Variants in TMEM132B observed in about 807,000 individuals in gnomAD.
The protein encoded by TMEM132B is transmembrane protein 132B.
TMEM132B carries 18 observed loss-of-function variants against 90.8 expected under a neutral mutation model. The observed-to-expected ratio is 0.20, with a 90% CI of 0.14 to 0.29. TMEM132B has a LOEUF of 0.29. TMEM132B is among the 10% of genes least tolerant of loss of function. The probability of loss-of-function intolerance (pLI) is 1.00; values close to 1 mark genes in which losing one functional copy is unlikely to be tolerated. For synonymous variants in TMEM132B, 504 were observed against 523.3 expected (o/e 0.96, Z 0.50); for missense variants, 1,096 against 1,326.8 (o/e 0.83, Z 2.70).
At chr12:125,267,933 T>C (rs1230322593) in intron 1 of TMEM132B, among the ~76,000 whole-genome samples, 2 of 152,142 alleles carry the variant, frequency 1.3e-5, no homozygotes, top group African/African-American at 4.8e-5. Context: ...CTTTGGTTGG[T>C]GCTCTCTACT....
chr12:125,513,348 G>A (rs76653006), intron 3 of TMEM132B, among the ~76,000 whole-genome samples: 24 of 152,242 alleles, frequency 1.6e-4, no homozygotes, highest in Middle Eastern at 3.4e-3. Flanking sequence ...GCCTGTGTGC[G>A]TGTGTGCGTG....
At chr12:125,270,058 G>T (rs1016281208) in intron 1 of TMEM132B, among the ~76,000 whole-genome samples, 1 of 151,438 alleles carries the variant, frequency 6.6e-6, no homozygotes, top group Non-Finnish European at 1.5e-5. Context: ...CACTTCCCAG[G>T]TTCCTTTGCA....
chr12:125,197,368 A>C (rs1019266570), intron 1 of TMEM132B, among the ~76,000 whole-genome samples: 1 of 152,184 alleles, frequency 6.6e-6, no homozygotes, highest in Non-Finnish European at 1.5e-5. Flanking sequence ...TTCCTCCATC[A>C]ACTTCCAGGA....
chr12:125,575,059 T>TATATATATATATATATATATATATAC (rs1884906656), intron 4 of TMEM132B, among the ~76,000 whole-genome samples: 2 of 64,184 alleles, frequency 3.1e-5, no homozygotes, highest in East Asian at 9.8e-4. Context: ...TTAGCTGTCA[T>TATATATATATATATATATATATATAC]ATATATATAT....
intron 2 of TMEM132B, among the ~76,000 whole-genome samples, chr12:125,376,936 G>C (rs935513282): frequency 9.9e-5 from 15 of 152,224 alleles, no homozygotes; most frequent in Admixed American, 2.0e-4. Flanking sequence ...AGGTCATCCA[G>C]AACCCTCCCA....
intron 1 of TMEM132B, among the ~76,000 whole-genome samples, chr12:125,239,183 C>G (rs77666249): frequency 0.011 from 1,673 of 152,010 alleles, 37 homozygotes; most frequent in African/African-American, 0.038. Context: ...AGATGAAGTC[C>G]CAGGCTTGGA....
chr12:125,344,407 C>T (rs540151141), intron 1 of TMEM132B, among the ~76,000 whole-genome samples: 12 of 152,248 alleles, frequency 7.9e-5, no homozygotes, highest in African/African-American at 2.9e-4. Flanking sequence ...CTGTTGTCAC[C>T]TTTTGGGCTA....
At chr12:125,195,386 G>A (rs2136052357) in intron 1 of TMEM132B, among the ~76,000 whole-genome samples, 1 of 135,958 alleles carries the variant, frequency 7.4e-6, no homozygotes, top group Non-Finnish European at 1.6e-5. Context: ...GGGGAGGAGG[G>A]TTTGCGGGTT....
At chr12:125,434,291 A>G (rs921965320) in intron 3 of TMEM132B, among the ~76,000 whole-genome samples, 1 of 152,152 alleles carries the variant, frequency 6.6e-6, no homozygotes, top group Non-Finnish European at 1.5e-5. Context: ...CTGCTAATCC[A>G]GATAATCTCC....
chr12:125,461,911 A>G (rs1881446802), intron 3 of TMEM132B, among the ~76,000 whole-genome samples: 2 of 152,198 alleles, frequency 1.3e-5, no homozygotes, highest in South Asian at 2.1e-4. Context: ...TGTGCTGTTC[A>G]ATCTTCATAG....
At chr12:125,327,760 A>G (rs10773159) in intron 1 of TMEM132B, among the ~76,000 whole-genome samples, 102,478 of 152,024 alleles carry the variant, frequency 0.67, 35,302 homozygotes, top group East Asian at 0.81. Context: ...GCTCCAAGGG[A>G]CAGCAGCTGC....
At chr12:125,276,748 C>T (rs116439536) in intron 1 of TMEM132B, among the ~76,000 whole-genome samples, 2,853 of 152,226 alleles carry the variant, frequency 0.019, 30 homozygotes, top group African/African-American at 0.04. Flanking sequence ...GAAGCGCTGG[C>T]GTCTCCCCTG....
At chr12:125,579,131 T>C (rs2136855468) in intron 4 of TMEM132B, among the ~76,000 whole-genome samples, 1 of 152,270 alleles carries the variant, frequency 6.6e-6, no homozygotes, top group African/African-American at 2.4e-5. Context: ...TTTATACTAT[T>C]TTTGTTCATT....
chr12:125,548,507 G>A (rs1377440626), intron 4 of TMEM132B, among the ~76,000 whole-genome samples: 2 of 152,142 alleles, frequency 1.3e-5, no homozygotes, highest in Non-Finnish European at 2.9e-5. Context: ...TTTAAGCTAA[G>A]GATTGAAGGA....
At chr12:125,482,649 A>C (rs975562554) in intron 3 of TMEM132B, among the ~76,000 whole-genome samples, 1 of 152,208 alleles carries the variant, frequency 6.6e-6, no homozygotes, top group Non-Finnish European at 1.5e-5. Context: ...TGTTGGTGGG[A>C]GTGTAAACTA....
intron 2 of TMEM132B, among the ~76,000 whole-genome samples, chr12:125,376,024 G>A (rs565531573): frequency 9.9e-5 from 15 of 152,160 alleles, no homozygotes; most frequent in Non-Finnish European, 2.1e-4. Flanking sequence ...CTGTTGAGAG[G>A]TGGTTCCTGC....
intron 1 of TMEM132B, among the ~76,000 whole-genome samples, chr12:125,309,784 C>G (rs1565998646): frequency 6.6e-6 from 1 of 152,164 alleles, no homozygotes; most frequent in Non-Finnish European, 1.5e-5. Context: ...CAAACTACCC[C>G]AAGACCTGGT....
chr12:125,384,575 A>G (rs925066320), intron 2 of TMEM132B, among the ~76,000 whole-genome samples: 4 of 152,206 alleles, frequency 2.6e-5, no homozygotes, highest in Non-Finnish European at 5.9e-5. Context: ...TGAAGCATAT[A>G]ATGCATTATT....
chr12:125,576,851 T>C (rs978358139), intron 4 of TMEM132B, among the ~76,000 whole-genome samples: 11 of 151,944 alleles, frequency 7.2e-5, no homozygotes, highest in Admixed American at 7.2e-4. Context: ...TTTAAAAAAA[T>C]GTTGCTTGCA....
Sources: gnomAD v4.1 joint callset for allele counts (sites outside exome capture counted in the v4.1 genomes callset) on GRCh38, gnomAD v4.1.1 for gene constraint, MANE v1.5 for transcripts, NCBI Gene and HGNC (gene_info 2026-07-23, HGNC 2026-07-21) for gene names.